The following FILIP1L variants were observed in gnomAD, a reference collection of about 807,000 sequenced individuals.
The protein encoded by FILIP1L is filamin A interacting protein 1 like, also known as filamin A-interacting protein 1-like.
A neutral mutation model predicts 96.6 loss-of-function variants in FILIP1L; 55 were observed. The observed-to-expected ratio is 0.57, with a 90% CI of 0.46 to 0.71. FILIP1L has a LOEUF of 0.71. FILIP1L is among the 30% of genes least tolerant of loss of function. The pLI, the probability that FILIP1L is intolerant of heterozygous loss-of-function variation, is 0.00. For missense variants in FILIP1L, 1,304 were observed against 1,321.2 expected, an observed-to-expected ratio of 0.99 and a Z score of 0.20; for synonymous variants, 467 against 473.9, an observed-to-expected ratio of 0.99 and a Z score of 0.19.
At chr3:99,958,203 CATTATTATTATTATTATTATT>C (rs71688408) in intron 1 of FILIP1L, among the ~76,000 whole-genome samples, 6 of 132,708 alleles carry the variant, frequency 4.5e-5, no homozygotes, top group East Asian at 2.2e-4. Context: ...GCCCTGCATG[CATTATTATTATTATTATTATT>C]ATTATTATTA....
chr3:99,948,197 T>G (rs1281732263), intron 1 of FILIP1L, among the ~76,000 whole-genome samples: 2 of 152,220 alleles, frequency 1.3e-5, no homozygotes, highest in East Asian at 3.9e-4. Flanking sequence ...TTGCATGGTA[T>G]AGGACATGGA....
intron 1 of FILIP1L, among the ~76,000 whole-genome samples, chr3:100,039,485 A>T (rs896713408): frequency 1.3e-5 from 2 of 152,238 alleles, no homozygotes; most frequent in Non-Finnish European, 2.9e-5. Flanking sequence ...AAAGGAAAAC[A>T]GTAAAATTTA....
At chr3:100,035,030 CTCCA>C (rs1318441416) in intron 1 of FILIP1L, among the ~76,000 whole-genome samples, 1 of 152,114 alleles carries the variant, frequency 6.6e-6, no homozygotes, top group East Asian at 1.9e-4. Flanking sequence ...AGGGGGTTCT[CTCCA>C]GATAGCTTGA....
intron 1 of FILIP1L, among the ~76,000 whole-genome samples, chr3:99,951,728 C>T (rs1277124014): frequency 6.6e-6 from 1 of 152,090 alleles, no homozygotes; most frequent in African/African-American, 2.4e-5. Context: ...CAATAGGTAC[C>T]CTTAGATCAT....
chr3:99,962,981 A>T (rs1301430665), intron 1 of FILIP1L, among the ~76,000 whole-genome samples: 1 of 152,234 alleles, frequency 6.6e-6, no homozygotes, highest in Admixed American at 6.5e-5. Flanking sequence ...GCATTGCTGC[A>T]TGGAAGAGAT....
At chr3:99,846,234 T>C (rs959298812) in intron 5 of FILIP1L, among the ~76,000 whole-genome samples, 1 of 152,230 alleles carries the variant, frequency 6.6e-6, no homozygotes, top group Non-Finnish European at 1.5e-5. Flanking sequence ...TCTGCCTCTT[T>C]ATCTGTTTCC....
chr3:100,030,178 G>A (rs1008440761), intron 1 of FILIP1L, among the ~76,000 whole-genome samples: 2 of 152,116 alleles, frequency 1.3e-5, no homozygotes, highest in African/African-American at 2.4e-5. Flanking sequence ...TTGGAATTTG[G>A]AACTCCTATT....
At chr3:99,907,585 A>G (rs1330807352) in intron 4 of FILIP1L, among the ~76,000 whole-genome samples, 1 of 152,164 alleles carries the variant, frequency 6.6e-6, no homozygotes, top group African/African-American at 2.4e-5. Context: ...TTTGCTGAAC[A>G]TAACATTGCA....
intron 5 of FILIP1L, among the ~76,000 whole-genome samples, chr3:99,837,562 A>G (rs969230052): frequency 6.6e-6 from 1 of 152,180 alleles, no homozygotes; most frequent in Non-Finnish European, 1.5e-5. Flanking sequence ...GGGGAGACAT[A>G]GGAGCCAACT....
chr3:99,831,425 T>C (rs1354365999), intron 5 of FILIP1L, among the ~76,000 whole-genome samples: 1 of 152,218 alleles, frequency 6.6e-6, no homozygotes, highest in Non-Finnish European at 1.5e-5. Flanking sequence ...TCTCCACATA[T>C]TTTATAGTAA....
chr3:99,983,381 AATAAATAAATAT>A (rs1373964719), intron 1 of FILIP1L, among the ~76,000 whole-genome samples: 3 of 30,026 alleles, frequency 1.0e-4, no homozygotes, highest in African/African-American at 2.8e-4. Flanking sequence ...TTAAAAAATA[AATAAATAAATAT>A]ATATATATAT....
At chr3:99,985,561 T>G (rs1709313875) in intron 1 of FILIP1L, among the ~76,000 whole-genome samples, 3 of 152,110 alleles carry the variant, frequency 2.0e-5, no homozygotes, top group African/African-American at 7.2e-5. Context: ...TTCTCTTCAA[T>G]CTTGTGAATT....
chr3:99,958,010 GAT>G (rs1027458759), intron 1 of FILIP1L, among the ~76,000 whole-genome samples: 7 of 148,236 alleles, frequency 4.7e-5, no homozygotes, highest in African/African-American at 1.7e-4. Flanking sequence ...ATTAGGGCTG[GAT>G]ATTCATATGT....
chr3:100,043,778 C>T (rs933535176), intron 1 of FILIP1L, among the ~76,000 whole-genome samples: 22 of 149,132 alleles, frequency 1.5e-4, no homozygotes, highest in African/African-American at 5.7e-4. Context: ...GTTAACATAT[C>T]CATCACCTCA....
chr3:99,872,186 C>A (rs1192989291), intron 4 of FILIP1L, among the ~76,000 whole-genome samples: 1 of 151,146 alleles, frequency 6.6e-6, no homozygotes, highest in Non-Finnish European at 1.5e-5. Context: ...ACATCAGTTT[C>A]TTCTGTAAAG....
intron 4 of FILIP1L, among the ~76,000 whole-genome samples, chr3:99,918,038 C>T (rs1466996662): frequency 1.3e-5 from 2 of 151,982 alleles, no homozygotes; most frequent in Admixed American, 6.6e-5. Flanking sequence ...AGTGCAGTGG[C>T]GTGATCTCGG....
intron 1 of FILIP1L, chr3:100,040,839 A>G (rs1396121366): frequency 1.3e-5 from 2 of 152,158 alleles, no homozygotes; most frequent in Non-Finnish European, 2.9e-5. Context: ...CAAAGGGAGA[A>G]ACTTTGTCAG....
intron 1 of FILIP1L, among the ~76,000 whole-genome samples, chr3:99,958,817 T>C (rs563636459): frequency 5.3e-5 from 8 of 152,214 alleles, no homozygotes; most frequent in African/African-American, 1.9e-4. Context: ...CCAGAGGAGA[T>C]GTCAAAATGA....
chr3:99,974,097 C>G (rs997444489), intron 1 of FILIP1L, among the ~76,000 whole-genome samples: 4 of 152,126 alleles, frequency 2.6e-5, no homozygotes, highest in African/African-American at 9.7e-5. Context: ...AACTATGTTT[C>G]TTTTTAATGG....
Sources: allele counts gnomAD v4.1 joint callset (sites outside exome capture counted in the v4.1 genomes callset), GRCh38; gene constraint gnomAD v4.1.1; transcripts MANE v1.5; gene names NCBI Gene and HGNC (gene_info 2026-07-23, HGNC 2026-07-21).